BCL9: variants seen among roughly 807,000 people sequenced by gnomAD.
BCL9 encodes the protein B-cell CLL/lymphoma 9 protein.
A neutral mutation model predicts 88.5 loss-of-function variants in BCL9; 25 were observed. The observed-to-expected ratio is 0.28, with a 90% CI of 0.21 to 0.39. The LOEUF (loss-of-function observed/expected upper bound fraction) is 0.39, where lower values mean the gene tolerates loss of function less well. BCL9 is among the 10% of genes least tolerant of loss of function. The pLI is 1.00. For missense variants in BCL9, 1,817 were observed against 1,877.8 expected (o/e 0.97, Z 0.60); for synonymous variants, 711 against 673.3 (o/e 1.06, Z -0.87).
chr1:147,587,423 C>T (rs782107093), intron 1 of BCL9, among the ~76,000 whole-genome samples: 1 of 152,180 alleles, frequency 6.6e-6, no homozygotes, highest in Non-Finnish European at 1.5e-5. Flanking sequence ...GCTCTTTGCA[C>T]CTCTGCCGTT....
chr1:147,576,956 C>T lies in BCL9; in HGVS notation c.-477-27821C>T, dbSNP rs587753174. Among the ~76,000 whole-genome samples the T allele has an allele frequency of 2.9e-3, 437 of 152,294 alleles. 4 individuals are homozygous for T. The highest frequency in any genetic ancestry group is 4.3e-3 in the Non-Finnish European group (292 of 68,030). On this transcript the variant is annotated intron_variant, in intron 1 of 9. Coordinates refer to ENST00000234739, the MANE Select transcript of BCL9 (RefSeq NM_004326.4). ...TGCCTGTTGATATAAAAGGTACCAT[C>T]ATTACGTTATTTTGTGTGGACAGGG... is the stretch of plus-strand genomic sequence containing the variant.
In BCL9 at chr1:147,622,496, G is replaced by A. The variant is rs782428890; in HGVS notation, c.3128G>A (p.Arg1043His). 14 of 1,613,996 alleles carry A rather than the reference G, an allele frequency of 8.7e-6. No individual in the cohort carries two copies. The highest frequency in any genetic ancestry group is 4.5e-5 in the East Asian group (2 of 44,892). The change falls in exon 9 of 10, where the codon CGT becomes CAT. Residue 1043 changes from arginine to histidine, a missense_variant. Around this residue, in one of 2 missense-constraint regions of BCL9, gnomAD observed 589 missense variants for 686.2 expected, o/e 0.86. Coordinates refer to ENST00000234739, the MANE Select transcript of BCL9 (RefSeq NM_004326.4). ...TCAGATGACGACTCCCCTCCAGCTC[G>A]TTCTCCCAACTTGCCATCAATGAAT... is the stretch of plus-strand genomic sequence containing the variant. Reference protein sequence around the residue: ...ASSDDDSPPARSPNLPSMNNM... With the variant: ...ASSDDDSPPAHSPNLPSMNNM...
At chr1:147,558,352 C>A (rs1655209949) in intron 1 of BCL9, among the ~76,000 whole-genome samples, 1 of 152,040 alleles carries the variant, frequency 6.6e-6, no homozygotes, top group African/African-American at 2.4e-5. Context: ...GCATGGTATC[C>A]CCCTAAAAGC....
intron 1 of BCL9, among the ~76,000 whole-genome samples, chr1:147,598,924 C>T (rs1657177378): frequency 6.6e-6 from 1 of 152,220 alleles, no homozygotes; most frequent in Non-Finnish European, 1.5e-5. Context: ...GATTCAGCAA[C>T]ATGCTCTAAC....
intron 1 of BCL9, among the ~76,000 whole-genome samples, chr1:147,588,975 T>G (rs1419735787): frequency 6.6e-6 from 1 of 152,210 alleles, no homozygotes; most frequent in East Asian, 1.9e-4. Flanking sequence ...CTGTTTGCCA[T>G]GCCTTGGGGC....
chr1:147,622,400 C>T lies in BCL9; in HGVS notation c.3032C>T (p.Ser1011Phe), dbSNP rs782415640. Residue 1011 changes from serine to phenylalanine, a missense_variant, in exon 9 of 10, where the codon TCT (serine) becomes TTT (phenylalanine). Ser to Phe is a radical substitution (Grantham distance 155). Transcript: ENST00000234739. ...CAGAACCCACTCTCTATTATGATGT[C>T]TCGAATGTCCAAGTTTGCAATGCCC... The part of the protein sequence containing the change: ...LSQNPLSIMM[S>F]RMSKFAMPSS... 1 of 1,614,160 alleles carries T rather than the reference C, an allele frequency of 6.2e-7. No individual in the cohort carries two copies. The highest frequency in any genetic ancestry group is 8.5e-7 in the Non-Finnish European group (1 of 1,180,050).
intron 6 of BCL9, 95 bp from the exon 7 acceptor site, chr1:147,615,708 C>T: frequency 1.1e-6 from 1 of 879,926 alleles, no homozygotes; most frequent in South Asian, 1.6e-5. Context: ...CCTTCCTCTC[C>T]CTTACAAGTT....
chr1:147,571,879 A>T (rs1655901094), intron 1 of BCL9, among the ~76,000 whole-genome samples: 1 of 152,134 alleles, frequency 6.6e-6, no homozygotes, highest in African/African-American at 2.4e-5. Flanking sequence ...CCAGGACTCT[A>T]TTCATTTTCT....
rs185292668 is a variant in BCL9 at position 147,558,952 on chromosome 1, A to T, written c.-478+17278A>T. ...ATAAGTATAAACTCCTCCTCCCCCT[A>T]CTTCATCTCCTTTACTCTAGCCTTT... On this transcript the variant is annotated intron_variant, in intron 1 of 9. Coordinates refer to ENST00000234739, the MANE Select transcript of BCL9 (RefSeq NM_004326.4). Among the ~76,000 whole-genome samples, 616 of 152,022 alleles carry T rather than the reference A, an allele frequency of 4.1e-3. 5 individuals carry two copies. Among genetic ancestry groups the T allele is most frequent in the Non-Finnish European group, 4.5e-3 (303 of 67,986 alleles).
At chr1:147,554,919 C>G (rs1467591589) in intron 1 of BCL9, among the ~76,000 whole-genome samples, 1 of 152,016 alleles carries the variant, frequency 6.6e-6, no homozygotes, top group Non-Finnish European at 1.5e-5. Context: ...TTACACACCA[C>G]CTTTCTTTCT....
intron 1 of BCL9, among the ~76,000 whole-genome samples, chr1:147,578,588 C>T (rs1656213515): frequency 2.0e-5 from 3 of 152,168 alleles, no homozygotes. Context: ...GATACTCAAT[C>T]TTCTACTAGG....
intron 1 of BCL9, among the ~76,000 whole-genome samples, chr1:147,572,173 C>T (rs1010060298): frequency 7.9e-5 from 12 of 152,076 alleles, no homozygotes; most frequent in African/African-American, 2.4e-4. Flanking sequence ...ACCCAGGAGG[C>T]GGAGTTTGCA....
chr1:147,544,308 G>C (rs1297193803), intron 1 of BCL9, among the ~76,000 whole-genome samples: 3 of 152,134 alleles, frequency 2.0e-5, no homozygotes, highest in Non-Finnish European at 4.4e-5. Flanking sequence ...TTCTCTGTGT[G>C]GCTGAGTTCC....
chr1:147,619,896 C>T lies in BCL9; in HGVS notation c.1741C>T (p.Pro581Ser), dbSNP rs782195050. 1 of 1,614,202 alleles carries T rather than the reference C, an allele frequency of 6.2e-7. No individual in the cohort carries two copies. Among genetic ancestry groups the T allele is most frequent in the Non-Finnish European group, 8.5e-7 (1 of 1,180,042 alleles). ...SEMEGPNVPNPASRPGLSGVS... is the reference protein window; with the variant it reads ...SEMEGPNVPNSASRPGLSGVS... ...AATGGAAGGGCCGAATGTCCCCAAC[C>T]CTGCATCTAGACCAGGTCTTTCTGG... is the stretch of plus-strand genomic sequence containing the variant. Residue 581 changes from proline to serine, a missense_variant, in exon 8 of 10, where the codon CCT becomes TCT. Physicochemically the swap from Pro to Ser is moderately conservative, Grantham distance 74. This residue lies in a region of BCL9 where 1,228 missense variants were observed against 1,191.6 expected (regional missense o/e 1.03). Transcript: ENST00000234739. The surrounding 1 kb of genome is among the most constrained non-coding windows in gnomAD (Gnocchi z 4.1).
At chr1:147,621,449 G>A (rs1160409773) in intron 8 of BCL9, among the ~76,000 whole-genome samples, 1 of 152,210 alleles carries the variant, frequency 6.6e-6, no homozygotes, top group Admixed American at 6.5e-5. Context: ...CCTAAGCAGA[G>A]AGAGGGGAAG....
At chr1:147,558,845 G>A (rs1026433181) in intron 1 of BCL9, among the ~76,000 whole-genome samples, 1 of 152,156 alleles carries the variant, frequency 6.6e-6, no homozygotes, top group African/African-American at 2.4e-5. Flanking sequence ...AGGAGTAGGT[G>A]AACTATCACC....
intron 7 of BCL9, among the ~76,000 whole-genome samples, chr1:147,618,320 C>T (rs1441530053): frequency 1.3e-5 from 2 of 152,156 alleles, no homozygotes; most frequent in Admixed American, 6.5e-5. Flanking sequence ...TGGTAGAATA[C>T]AGAGCTGCAA....
chr1:147,588,220 T>C (rs1656702681), intron 1 of BCL9, among the ~76,000 whole-genome samples: 1 of 152,140 alleles, frequency 6.6e-6, no homozygotes, highest in African/African-American at 2.4e-5. Flanking sequence ...AGCAAAGATG[T>C]ATTTTTTTTC....
intron 1 of BCL9, among the ~76,000 whole-genome samples, chr1:147,577,232 A>G (rs1553198186): frequency 6.6e-6 from 1 of 152,166 alleles, no homozygotes; most frequent in Non-Finnish European, 1.5e-5. Context: ...TTGATAGTTT[A>G]TATTTAGAAT....
Sources: allele counts gnomAD v4.1 joint callset (sites outside exome capture counted in the v4.1 genomes callset), GRCh38; gene constraint gnomAD v4.1.1; regional missense constraint gnomAD v4.1.1; non-coding constraint Gnocchi (gnomAD v3.1); transcripts MANE v1.5; gene names NCBI Gene and HGNC (gene_info 2026-07-23, HGNC 2026-07-21).